Variants in ERI1 observed in about 807,000 individuals in gnomAD.
ERI1 encodes the protein 3'-5' exoribonuclease 1.
ERI1 carries 39 observed loss-of-function variants against 39.7 expected under a neutral mutation model. That is an observed-to-expected ratio of 0.98 (90% CI 0.76 to 1.28). The LOEUF is 1.28. ERI1 is among the 50% of genes most tolerant of loss of function. The pLI, the probability that ERI1 is intolerant of heterozygous loss-of-function variation, is 0.00. For synonymous variants in ERI1, 204 were observed against 149.6 expected, an observed-to-expected ratio of 1.36 and a Z score of -2.65; for missense variants, 581 against 416.9, an observed-to-expected ratio of 1.39 and a Z score of -3.43.
intron 3 of ERI1, among the ~76,000 whole-genome samples, chr8:9,058,840 G>GATAA (rs58770201): frequency 0.4 from 60,102 of 151,234 alleles, 13,205 homozygotes; most frequent in East Asian, 0.67. Context: ...CAACTTCATT[G>GATAA]ATAAATAAAT....
At chr8:9,009,569 C>G (rs1036078690) in intron 2 of ERI1, among the ~76,000 whole-genome samples, 1 of 152,120 alleles carries the variant, frequency 6.6e-6, no homozygotes, top group Admixed American at 6.5e-5. Context: ...GAGACAGAGT[C>G]TTGCTCTGTC....
Position 9,027,143 on chromosome 8 carries a change from GTGTGTA to G in ERI1, c.808-2643_808-2638del, listed in dbSNP as rs1274508933. Among the ~76,000 whole-genome samples, 468 of 122,104 alleles carry G rather than the reference GTGTGTA, an allele frequency of 3.8e-3. 2 individuals are homozygous for G. The highest frequency in any genetic ancestry group is 0.014 in the African/African-American group (406 of 29,668). The allele number at this position is 122,104 out of a possible 152,430, so 80.1% of individuals were successfully genotyped here. A position where few individuals can be genotyped will look rare whatever the true frequency, so the allele number is the denominator to read the frequency against. On this transcript the variant is annotated intron_variant, in intron 6 of 6. Coordinates refer to ENST00000250263, the MANE Select transcript of ERI1 (RefSeq NM_153332.4). ...CAATGCTTGTTATTTTCTGGTGTGT[GTGTGTA>G]TGTGTGTGTGTGTGTGTGTGTGTGT... is the stretch of plus-strand genomic sequence containing the variant.
intron 3 of ERI1, among the ~76,000 whole-genome samples, chr8:9,066,702 C>T (rs1349051629): frequency 6.6e-6 from 1 of 152,060 alleles, no homozygotes; most frequent in African/African-American, 2.4e-5. Context: ...TATTTTCTTA[C>T]CTGAAATTTA....
chr8:9,023,726 G>A (rs1391599202), intron 6 of ERI1, among the ~76,000 whole-genome samples: 11 of 144,890 alleles, frequency 7.6e-5, no homozygotes, highest in East Asian at 6.1e-4. Context: ...AGTTTCTGCT[G>A]TATATAATGC....
chr8:9,040,900 C>T (rs1797996601), intron 3 of ERI1, among the ~76,000 whole-genome samples: 1 of 152,148 alleles, frequency 6.6e-6, no homozygotes, highest in African/African-American at 2.4e-5. Context: ...TTTTGAGTTC[C>T]TTTAGATAAA....
chr8:9,019,945 G>A (rs780744584), intron 5 of ERI1, among the ~76,000 whole-genome samples: 9 of 152,134 alleles, frequency 5.9e-5, no homozygotes, highest in Non-Finnish European at 1.2e-4. Flanking sequence ...AGAACAGATT[G>A]TATTTTAACC....
chr8:9,029,028 C>T (rs991279225), intron 6 of ERI1, among the ~76,000 whole-genome samples: 8 of 144,066 alleles, frequency 5.6e-5, no homozygotes, highest in African/African-American at 2.1e-4. Context: ...TTTAAATAAC[C>T]TGAAAAATAC....
intron 3 of ERI1, among the ~76,000 whole-genome samples, chr8:9,093,955 T>C (rs1212811774): frequency 6.6e-6 from 1 of 152,220 alleles, no homozygotes; most frequent in African/African-American, 2.4e-5. Context: ...GTTTAAAGTG[T>C]TACTTATCAT....
downstream of ERI1, among the ~76,000 whole-genome samples, chr8:9,036,935 A>G (rs552024308): frequency 9.3e-4 from 141 of 152,314 alleles, no homozygotes; most frequent in Non-Finnish European, 1.8e-3. Flanking sequence ...GATTGAAACC[A>G]TGAAACTCAT....
At chr8:9,048,846 A>G (rs1430391621) in intron 3 of ERI1, among the ~76,000 whole-genome samples, 2 of 151,796 alleles carry the variant, frequency 1.3e-5, no homozygotes, top group East Asian at 2.0e-4. Flanking sequence ...GGGTCTTGCT[A>G]TGTTGCCCAG....
intron 3 of ERI1, among the ~76,000 whole-genome samples, chr8:9,070,829 A>T (rs1285806190): frequency 6.6e-6 from 1 of 152,188 alleles, no homozygotes; most frequent in East Asian, 1.9e-4. Flanking sequence ...CTTGGGGATG[A>T]ATTAGTTTGA....
chr8:9,069,228 T>C (rs577050567), intron 3 of ERI1, among the ~76,000 whole-genome samples: 175 of 152,354 alleles, frequency 1.1e-3, no homozygotes, highest in Non-Finnish European at 2.0e-3. Context: ...ACAATCCCAT[T>C]AGGAATGTCT....
intron 3 of ERI1, among the ~76,000 whole-genome samples, chr8:9,042,176 C>G (rs1373563492): frequency 6.6e-6 from 1 of 152,196 alleles, no homozygotes. Context: ...AGAGAAATGT[C>G]TGCACAGAAA....
intron 3 of ERI1, among the ~76,000 whole-genome samples, chr8:9,059,988 T>TC (rs1015431450): frequency 6.6e-6 from 1 of 152,176 alleles, no homozygotes; most frequent in Admixed American, 6.5e-5. Context: ...CCTGTAGCAT[T>TC]CCGAGGACAG....
intron 3 of ERI1, among the ~76,000 whole-genome samples, chr8:9,078,409 G>C (rs977480999): frequency 4.6e-5 from 7 of 151,860 alleles, no homozygotes; most frequent in African/African-American, 1.7e-4. Context: ...CCATTTCACA[G>C]ATAACTCAGG....
intron 3 of ERI1, among the ~76,000 whole-genome samples, chr8:9,015,259 T>A (rs569200469): frequency 3.6e-4 from 55 of 152,364 alleles, no homozygotes; most frequent in African/African-American, 1.2e-3. Context: ...CAAACTTTTC[T>A]TAATTTTTAA....
chr8:9,065,694 CAAAAA>C (rs577584927), intron 3 of ERI1, among the ~76,000 whole-genome samples: 6 of 82,284 alleles, frequency 7.3e-5, no homozygotes, highest in Non-Finnish European at 1.4e-4. Context: ...GACTCCATCT[CAAAAA>C]AAAAAAAAAA....
chr8:9,047,425 T>C (rs1344031501), intron 3 of ERI1, among the ~76,000 whole-genome samples: 1 of 152,024 alleles, frequency 6.6e-6, no homozygotes, highest in Non-Finnish European at 1.5e-5. Flanking sequence ...TGCTTGCCAC[T>C]AGGAGATGGG....
chr8:9,042,459 C>T (rs1326668777), intron 3 of ERI1, among the ~76,000 whole-genome samples: 3 of 152,174 alleles, frequency 2.0e-5, no homozygotes, highest in Admixed American at 1.3e-4. Flanking sequence ...CGCCCTCTCC[C>T]GCCTCCAACA....
Sources: allele counts gnomAD v4.1 joint callset (sites outside exome capture counted in the v4.1 genomes callset), GRCh38; gene constraint gnomAD v4.1.1; transcripts MANE v1.5; gene names NCBI Gene and HGNC (gene_info 2026-07-23, HGNC 2026-07-21).